Variants in TMEM144 observed in about 807,000 individuals in gnomAD.
TMEM144 encodes transmembrane protein 144.
TMEM144 carries 39 observed loss-of-function variants against 43.6 expected under a neutral mutation model. The ratio of observed to expected loss-of-function variants is 0.90; its 90% confidence interval spans 0.69 to 1.17. TMEM144 has a LOEUF of 1.17. TMEM144 is among the 50% of genes most tolerant of loss of function. The pLI is 0.00. For synonymous variants in TMEM144, 154 were observed against 133.6 expected, an observed-to-expected ratio of 1.15 and a Z score of -1.06; for missense variants, 417 against 411.9, an observed-to-expected ratio of 1.01 and a Z score of -0.11.
chr4:158,227,379 CT>C (rs1407896251), intron 6 of TMEM144, among the ~76,000 whole-genome samples: 2 of 152,122 alleles, frequency 1.3e-5, no homozygotes, highest in South Asian at 2.1e-4. Flanking sequence ...GGCCTCAGTG[CT>C]TTCAGGATAC....
intron 6 of TMEM144, among the ~76,000 whole-genome samples, chr4:158,226,500 A>C (rs527343776): frequency 6.6e-6 from 1 of 152,130 alleles, no homozygotes; most frequent in Admixed American, 6.5e-5. Flanking sequence ...ACTTGATTAA[A>C]CCTTTAAAAC....
chr4:158,235,551 G>A (rs1467945834), intron 8 of TMEM144, 46 bp downstream of exon 8: 2 of 1,545,780 alleles, frequency 1.3e-6, no homozygotes, highest in South Asian at 1.2e-5. Context: ...TTTCATATTT[G>A]GTTAAAGCAG....
intron 6 of TMEM144, among the ~76,000 whole-genome samples, chr4:158,224,197 C>A (rs192945281): frequency 6.6e-6 from 1 of 152,204 alleles, no homozygotes; most frequent in Non-Finnish European, 1.5e-5. Context: ...GTTGGTCATG[C>A]AAATGTCTTC....
intron 6 of TMEM144, among the ~76,000 whole-genome samples, chr4:158,226,979 A>G (rs1033610437): frequency 6.6e-6 from 1 of 152,184 alleles, no homozygotes; most frequent in Non-Finnish European, 1.5e-5. Context: ...GGCCACAAGA[A>G]TAGAAGTTAG....
chr4:158,251,334 G>A (rs979478986), intron 12 of TMEM144, among the ~76,000 whole-genome samples: 3 of 152,154 alleles, frequency 2.0e-5, no homozygotes, highest in Non-Finnish European at 4.4e-5. Flanking sequence ...CATTGGCAGA[G>A]CCAATGCCCT....
At chr4:158,218,110 G>A (rs979196980) in intron 5 of TMEM144, among the ~76,000 whole-genome samples, 16 of 152,124 alleles carry the variant, frequency 1.1e-4, no homozygotes, top group African/African-American at 3.9e-4. Context: ...GTCCAATAGT[G>A]TAGCCAGAAG....
chr4:158,237,430 A>G (rs1187135688), intron 8 of TMEM144, 95 bp from the exon 9 acceptor site: 1 of 955,096 alleles, frequency 1.0e-6, no homozygotes, highest in East Asian at 2.5e-5. Context: ...CTTGTTTGTG[A>G]TTTGCCTTTT....
chr4:158,237,792 A>G (rs1735432165), intron 9 of TMEM144, 149 bp downstream of exon 9: 1 of 569,822 alleles, frequency 1.8e-6, no homozygotes, highest in East Asian at 3.0e-5. Context: ...ACCAAAAATA[A>G]TAAAGGATTG....
At chr4:158,237,735 C>A in intron 9 of TMEM144, 92 bp downstream of exon 9, 3 of 884,254 alleles carry the variant, frequency 3.4e-6, no homozygotes, top group Non-Finnish European at 3.4e-6. Context: ...TGGGTCGATT[C>A]GATCTTTCTT....
chr4:158,253,468 A>G lies in TMEM144; in HGVS notation c.979A>G (p.Ile327Val), dbSNP rs1736314959. 4.3e-6 allele frequency: 7 copies of G among 1,613,696 alleles called. No individual in the cohort carries two copies. Among genetic ancestry groups the G allele is most frequent in the Non-Finnish European group, 5.9e-6 (7 of 1,179,838 alleles). Reference protein sequence around the residue: ...IKGLQNYLLMILAFCIILTGA... With the variant: ...IKGLQNYLLMVLAFCIILTGA... ...GGGTCTACAAAACTACCTATTAATGATACTTGCATTTTGCATCATCTTGAC... is the reference window on the plus strand; with the variant it reads ...GGGTCTACAAAACTACCTATTAATGGTACTTGCATTTTGCATCATCTTGAC... The change falls in exon 13 of 13, where the codon ATA becomes GTA. Residue 327 changes from isoleucine (I) to valine (V), a missense_variant. Coordinates refer to ENST00000296529, the MANE Select transcript of TMEM144 (RefSeq NM_018342.5).
At chr4:158,250,440 A>G (rs2111157412) in intron 12 of TMEM144, among the ~76,000 whole-genome samples, 1 of 152,266 alleles carries the variant, frequency 6.6e-6, no homozygotes, top group Non-Finnish European at 1.5e-5. Context: ...GAAACCAGAC[A>G]AAAGTCCACT....
chr4:158,232,753 G>A (rs762786996), intron 6 of TMEM144, 148 bp from the exon 7 acceptor site: 21 of 580,428 alleles, frequency 3.6e-5, no homozygotes, highest in Middle Eastern at 4.6e-4. Context: ...CTGGCAAAAC[G>A]GCAGGACCAC....
intron 12 of TMEM144, among the ~76,000 whole-genome samples, chr4:158,249,127 G>A (rs983404445): frequency 2.0e-5 from 3 of 152,030 alleles, no homozygotes; most frequent in East Asian, 3.9e-4. Flanking sequence ...GGCTTGTCTC[G>A]AACTCCTGAT....
intron 6 of TMEM144, among the ~76,000 whole-genome samples, chr4:158,222,800 T>C (rs1403564130): frequency 6.6e-6 from 1 of 152,204 alleles, no homozygotes; most frequent in African/African-American, 2.4e-5. Context: ...TTTTACTAAG[T>C]GTGTGATGTA....
chr4:158,247,589 A>G (rs1262859293), intron 12 of TMEM144, among the ~76,000 whole-genome samples: 2 of 152,122 alleles, frequency 1.3e-5, no homozygotes, highest in African/African-American at 2.4e-5. Flanking sequence ...TTGCCTTCCA[A>G]TGTATCACCA....
chr4:158,224,234 T>C (rs545747225), intron 6 of TMEM144, among the ~76,000 whole-genome samples: 3 of 152,324 alleles, frequency 2.0e-5, no homozygotes, highest in Admixed American at 2.0e-4. Context: ...TTCATATCCT[T>C]TGCCCACTTT....
At chr4:158,226,322 A>G (rs1053777410) in intron 6 of TMEM144, among the ~76,000 whole-genome samples, 2 of 152,200 alleles carry the variant, frequency 1.3e-5, no homozygotes, top group African/African-American at 4.8e-5. Flanking sequence ...AAGATTTTAT[A>G]GACTCTTTTT....
chr4:158,246,558 T>A (rs897799800), intron 12 of TMEM144, among the ~76,000 whole-genome samples: 3 of 152,112 alleles, frequency 2.0e-5, no homozygotes, highest in South Asian at 2.1e-4. Flanking sequence ...TTATTTTTTT[T>A]AAATACACAA....
In TMEM144 at chr4:158,254,034, T is replaced by A. The variant is rs1224458477; in HGVS notation, c.*507T>A. 6.6e-6 allele frequency: 1 copy of A among 152,296 alleles called. No homozygotes were observed. The highest frequency in any genetic ancestry group is 1.5e-5 in the Non-Finnish European group (1 of 68,100). 9.4% of individuals were successfully genotyped at this position (152,296 alleles called of 1,614,324 possible). On this transcript the variant is annotated 3_prime_UTR_variant, in exon 13 of 13. Coordinates refer to ENST00000296529, the MANE Select transcript of TMEM144 (RefSeq NM_018342.5). ...AAATGCATAGTTGGTAACTAAATGT[T>A]AAAAAGGCCATTTTATTATTGTTAG...
Sources: allele counts gnomAD v4.1 joint callset (sites outside exome capture counted in the v4.1 genomes callset), GRCh38; gene constraint gnomAD v4.1.1; transcripts MANE v1.5; gene names NCBI Gene and HGNC (gene_info 2026-07-23, HGNC 2026-07-21).